Variants in CADM2 observed in about 807,000 individuals in gnomAD.
CADM2 encodes cell adhesion molecule 2, also known as immunoglobulin superfamily member 4D.
Under a neutral mutation model 49.8 loss-of-function variants are expected in CADM2, and 12 were observed. That is an observed-to-expected ratio of 0.24 (90% CI 0.15 to 0.39). The LOEUF is 0.39. Ranked by LOEUF, CADM2 falls within the 10% of genes least tolerant of loss-of-function variation. CADM2 has a pLI of 1.00. For synonymous variants in CADM2, 214 were observed against 175.4 expected (o/e 1.22, Z -1.74); for missense variants, 378 against 492.3 (o/e 0.77, Z 2.20).
chr3:85,121,009 T>C (rs929913406), intron 1 of CADM2, among the ~76,000 whole-genome samples: 1 of 152,084 alleles, frequency 6.6e-6, no homozygotes. Context: ...TCACCTAGAA[T>C]CCAGAGATAC....
chr3:84,998,637 CGCTTGCT>C (rs1285440866), intron 1 of CADM2, among the ~76,000 whole-genome samples: 7 of 152,050 alleles, frequency 4.6e-5, no homozygotes, highest in Admixed American at 4.6e-4. Flanking sequence ...AGACTTGCAA[CGCTTGCT>C]AACAATTGTT....
intron 2 of CADM2, among the ~76,000 whole-genome samples, chr3:85,739,068 C>T (rs570683352): frequency 3.5e-4 from 53 of 151,888 alleles, no homozygotes; most frequent in African/African-American, 1.3e-3. Context: ...AAAAAATTAC[C>T]CCAGGAAAAT....
intron 1 of CADM2, among the ~76,000 whole-genome samples, chr3:85,257,952 T>C (rs1327413785): frequency 6.6e-6 from 1 of 152,142 alleles, no homozygotes; most frequent in Non-Finnish European, 1.5e-5. Context: ...CAGTATAATG[T>C]CTTTTTCTTA....
intron 1 of CADM2, among the ~76,000 whole-genome samples, chr3:85,666,451 A>G (rs1173310089): frequency 6.6e-6 from 1 of 151,970 alleles, no homozygotes; most frequent in Non-Finnish European, 1.5e-5. Flanking sequence ...CTCACTCATC[A>G]CAAGGTTTGT....
chr3:85,981,334 T>A (rs1012195366), intron 8 of CADM2, among the ~76,000 whole-genome samples: 1 of 151,588 alleles, frequency 6.6e-6, no homozygotes. Flanking sequence ...TAAGTGGGAT[T>A]TGGTCTATTG....
At chr3:85,376,860 G>T (rs548183229) in intron 1 of CADM2, among the ~76,000 whole-genome samples, 17 of 152,150 alleles carry the variant, frequency 1.1e-4, no homozygotes, top group African/African-American at 3.4e-4. Context: ...TACAATGCCA[G>T]AAAGATAACG....
intron 1 of CADM2, among the ~76,000 whole-genome samples, chr3:85,458,727 C>G (rs1016526600): frequency 6.6e-6 from 1 of 152,100 alleles, no homozygotes. Flanking sequence ...CTACACTCTT[C>G]CTCTTTAACC....
At chr3:85,460,961 G>A (rs2038218431) in intron 1 of CADM2, among the ~76,000 whole-genome samples, 1 of 152,120 alleles carries the variant, frequency 6.6e-6, no homozygotes, top group Admixed American at 6.6e-5. Flanking sequence ...AGTCTGGGAA[G>A]GAACGAAGAG....
intron 1 of CADM2, among the ~76,000 whole-genome samples, chr3:85,359,687 G>GAGA (rs1227341820): frequency 2.8e-5 from 1 of 36,360 alleles, no homozygotes; most frequent in Non-Finnish European, 6.0e-5. Flanking sequence ...TGGTGGAGGG[G>GAGA]AGAAGACAAA....
chr3:85,066,574 A>G (rs1444742445), intron 1 of CADM2, among the ~76,000 whole-genome samples: 1 of 152,030 alleles, frequency 6.6e-6, no homozygotes, highest in East Asian at 1.9e-4. Flanking sequence ...AGGCATGTAC[A>G]TGGATAAGTA....
chr3:85,908,891 A>T (rs1440683529), intron 5 of CADM2, among the ~76,000 whole-genome samples: 1 of 151,692 alleles, frequency 6.6e-6, no homozygotes, highest in Non-Finnish European at 1.5e-5. Context: ...GGCCCAGCTA[A>T]TTTTTTGTAT....
chr3:85,378,461 T>G (rs1221967710), intron 1 of CADM2, among the ~76,000 whole-genome samples: 1 of 152,036 alleles, frequency 6.6e-6, no homozygotes, highest in Admixed American at 6.6e-5. Context: ...ACGTAGTACT[T>G]TGCATCATTT....
chr3:86,065,831 T>C (rs1299620164), intron 9 of CADM2, 101 bp downstream of exon 9: 1 of 1,105,864 alleles, frequency 9.0e-7, no homozygotes, highest in Non-Finnish European at 1.3e-6. Context: ...TGTACATGTG[T>C]AGAATAGGGA....
intron 8 of CADM2, among the ~76,000 whole-genome samples, chr3:85,987,359 T>C (rs1728236849): frequency 6.6e-6 from 1 of 151,800 alleles, no homozygotes; most frequent in Non-Finnish European, 1.5e-5. Flanking sequence ...TTCATTCTAT[T>C]AGCTTTCATT....
chr3:85,934,254 G>A (rs576862606), intron 6 of CADM2, among the ~76,000 whole-genome samples: 18 of 152,046 alleles, frequency 1.2e-4, no homozygotes, highest in African/African-American at 4.1e-4. Context: ...AGAACAGTCT[G>A]GTTCACAACT....
chr3:84,968,779 G>C (rs925418954), intron 1 of CADM2, among the ~76,000 whole-genome samples: 1 of 152,014 alleles, frequency 6.6e-6, no homozygotes, highest in Non-Finnish European at 1.5e-5. Flanking sequence ...TCCTTAACTA[G>C]CCCATTAACA....
intron 1 of CADM2, among the ~76,000 whole-genome samples, chr3:85,070,285 A>G (rs888896022): frequency 4.3e-4 from 66 of 152,174 alleles, no homozygotes; most frequent in African/African-American, 1.5e-3. Context: ...GTTTAATGTG[A>G]AATGTGAACA....
rs545758126 is a variant in CADM2, at chr3:85,819,010, G to T, written c.238+16814G>T. On this transcript the variant is annotated intron_variant, in intron 3 of 9. Transcript: ENST00000383699. ...GAGCAAGGAAGCCAGTAGTGGCTCA[G>T]TCTGAGTCCCAAAGCCTCAAAAGTA... Among the ~76,000 whole-genome samples, 9 of 152,134 alleles carry T rather than the reference G, an allele frequency of 5.9e-5. No homozygotes were observed. In the South Asian group the frequency reaches 1.0e-3, roughly 18 times the overall value.
chr3:85,739,262 C>T (rs138086173), intron 2 of CADM2, among the ~76,000 whole-genome samples: 405 of 152,158 alleles, frequency 2.7e-3, no homozygotes, highest in Non-Finnish European at 4.8e-3. Context: ...AAGTTCTCTG[C>T]AGCCTTAAAG....
Sources: gnomAD v4.1 joint callset for allele counts (sites outside exome capture counted in the v4.1 genomes callset) on GRCh38, gnomAD v4.1.1 for gene constraint, MANE v1.5 for transcripts, NCBI Gene and HGNC (gene_info 2026-07-23, HGNC 2026-07-21) for gene names.